The following DLG2 variants were observed in gnomAD, a reference collection of about 807,000 sequenced individuals.
DLG2 encodes discs large MAGUK scaffold protein 2, also known as disks large homolog 2.
Under a neutral mutation model 132.5 loss-of-function variants are expected in DLG2, and 45 were observed. That is an observed-to-expected ratio of 0.34 (90% CI 0.27 to 0.44). DLG2 has a LOEUF of 0.44. Among genes scored for constraint, DLG2 ranks in the 20% least tolerant of loss-of-function variants. The pLI, the probability that DLG2 is intolerant of heterozygous loss-of-function variation, is 1.00. For synonymous variants in DLG2, 424 were observed against 419.6 expected, an observed-to-expected ratio of 1.01 and a Z score of -0.13; for missense variants, 1,045 against 1,196.9, an observed-to-expected ratio of 0.87 and a Z score of 1.87.
intron 3 of DLG2, among the ~76,000 whole-genome samples, chr11:85,364,466 ATATAAT>A (rs969941708): frequency 6.6e-6 from 1 of 152,130 alleles, no homozygotes; most frequent in African/African-American, 2.4e-5. Flanking sequence ...GGTGACAGAG[ATATAAT>A]TAATTGAGGC....
intron 6 of DLG2, among the ~76,000 whole-genome samples, chr11:84,879,628 T>A (rs2086964876): frequency 6.6e-6 from 1 of 152,150 alleles, no homozygotes; most frequent in African/African-American, 2.4e-5. Context: ...GATGGAGGTC[T>A]GTTGGTATGA....
At chr11:85,421,418 C>A (rs1263238862) in intron 3 of DLG2, among the ~76,000 whole-genome samples, 6 of 149,780 alleles carry the variant, frequency 4.0e-5, no homozygotes, top group African/African-American at 1.5e-4. Flanking sequence ...CCATCCCTCC[C>A]CCTTTTTTTT....
chr11:84,358,344 T>A (rs1022001216), intron 7 of DLG2, among the ~76,000 whole-genome samples: 4 of 149,268 alleles, frequency 2.7e-5, no homozygotes, highest in African/African-American at 9.8e-5. Context: ...TCTGTCTTCA[T>A]CAAACAGCAA....
intron 6 of DLG2, among the ~76,000 whole-genome samples, chr11:84,909,585 C>A (rs373314041): frequency 1.3e-5 from 2 of 152,170 alleles, no homozygotes; most frequent in Non-Finnish European, 2.9e-5. Flanking sequence ...TCTGCAATTT[C>A]TTCTGGTCAT....
At chr11:83,465,053 A>G (rs922278466) in intron 26 of DLG2, among the ~76,000 whole-genome samples, 2 of 152,160 alleles carry the variant, frequency 1.3e-5, no homozygotes, top group Non-Finnish European at 2.9e-5. Flanking sequence ...GGGGATGATA[A>G]TATTAAGAAT....
chr11:84,034,067 G>A (rs1484249299), intron 11 of DLG2, among the ~76,000 whole-genome samples: 2 of 151,676 alleles, frequency 1.3e-5, no homozygotes, highest in African/African-American at 2.4e-5. Flanking sequence ...GGCAACAAGA[G>A]CGAAACTCGG....
intron 3 of DLG2, among the ~76,000 whole-genome samples, chr11:85,363,332 T>A (rs1342015688): frequency 6.6e-6 from 1 of 152,168 alleles, no homozygotes; most frequent in Non-Finnish European, 1.5e-5. Context: ...AAGGAAGCTG[T>A]CAAACAGCTA....
intron 17 of DLG2, among the ~76,000 whole-genome samples, chr11:83,825,435 C>A (rs1447560232): frequency 6.6e-6 from 1 of 151,902 alleles, no homozygotes; most frequent in Non-Finnish European, 1.5e-5. Flanking sequence ...CCCAACTCAG[C>A]CTCCCAGAGT....
chr11:84,736,772 C>T (rs949658923), intron 6 of DLG2, among the ~76,000 whole-genome samples: 4 of 151,916 alleles, frequency 2.6e-5, no homozygotes, highest in African/African-American at 9.7e-5. Flanking sequence ...ACCTATTAGT[C>T]TGGTAGCTTT....
intron 7 of DLG2, among the ~76,000 whole-genome samples, chr11:84,453,213 G>A (rs1002578355): frequency 6.6e-6 from 1 of 151,630 alleles, no homozygotes; most frequent in African/African-American, 2.4e-5. Context: ...AATAGAAATG[G>A]TATGTAAAGC....
intron 22 of DLG2, among the ~76,000 whole-genome samples, chr11:83,479,471 C>T (rs1394823861): frequency 6.6e-6 from 1 of 152,088 alleles, no homozygotes; most frequent in Non-Finnish European, 1.5e-5. Flanking sequence ...ATCTGTGGGT[C>T]ACAGGTATTA....
intron 7 of DLG2, among the ~76,000 whole-genome samples, chr11:84,332,498 CCG>C (rs1214798895): frequency 2.0e-5 from 3 of 148,302 alleles, no homozygotes; most frequent in Admixed American, 2.0e-4. Context: ...GTGTGAGCCA[CCG>C]CGCCTGGCTT....
At chr11:83,676,969 C>T (rs147276747) in intron 18 of DLG2, among the ~76,000 whole-genome samples, 24 of 152,144 alleles carry the variant, frequency 1.6e-4, no homozygotes, top group African/African-American at 4.3e-4. Flanking sequence ...AGAAAACGAC[C>T]GAACAAAGCA....
chr11:85,239,538 C>A (rs893129050), intron 4 of DLG2, among the ~76,000 whole-genome samples: 1 of 151,922 alleles, frequency 6.6e-6, no homozygotes, highest in Non-Finnish European at 1.5e-5. Flanking sequence ...AAATAATTTT[C>A]TAATACATTT....
chr11:83,796,983 G>C (rs1458649559), intron 17 of DLG2, among the ~76,000 whole-genome samples: 1 of 152,128 alleles, frequency 6.6e-6, no homozygotes, highest in Non-Finnish European at 1.5e-5. Flanking sequence ...AGCTTTCCTG[G>C]AGAAAGTGAC....
At chr11:83,984,701 T>G (rs1490700603) in intron 11 of DLG2, among the ~76,000 whole-genome samples, 1 of 152,150 alleles carries the variant, frequency 6.6e-6, no homozygotes, top group Non-Finnish European at 1.5e-5. Flanking sequence ...TTTTAATTTT[T>G]AGTTGTTATG....
intron 6 of DLG2, among the ~76,000 whole-genome samples, chr11:84,610,336 T>C (rs1427631779): frequency 6.6e-6 from 1 of 152,172 alleles, no homozygotes; most frequent in Non-Finnish European, 1.5e-5. Flanking sequence ...ACAAATATTT[T>C]TTAAAAATTT....
chr11:84,065,038 C>T (rs1358693808), intron 10 of DLG2, among the ~76,000 whole-genome samples: 2 of 152,076 alleles, frequency 1.3e-5, no homozygotes. Flanking sequence ...GCAATTCGAC[C>T]CCTTCCTTAA....
chr11:85,301,803 CT>C (rs2079600866), intron 3 of DLG2, among the ~76,000 whole-genome samples: 1 of 152,166 alleles, frequency 6.6e-6, no homozygotes, highest in African/African-American at 2.4e-5. Flanking sequence ...AACCTTATCC[CT>C]AACAGATGCA....
Sources: allele counts gnomAD v4.1 joint callset (sites outside exome capture counted in the v4.1 genomes callset), GRCh38; gene constraint gnomAD v4.1.1; transcripts MANE v1.5; gene names NCBI Gene and HGNC (gene_info 2026-07-23, HGNC 2026-07-21).